LRP1B: variants seen among roughly 807,000 people sequenced by gnomAD.
LRP1B encodes the protein low-density lipoprotein receptor-related protein 1B.
Under a neutral mutation model 556.6 loss-of-function variants are expected in LRP1B, and 217 were observed. The ratio of observed to expected loss-of-function variants is 0.39; its 90% CI spans 0.35 to 0.44. The LOEUF (loss-of-function observed/expected upper bound fraction) is 0.44. LRP1B is among the 20% of genes least tolerant of loss of function. The probability of loss-of-function intolerance (pLI) is 1.00; values close to 1 mark genes in which losing one functional copy is unlikely to be tolerated. For synonymous variants in LRP1B, 2,047 were observed against 1,865.8 expected, an observed-to-expected ratio of 1.10 and a Z score of -2.50; for missense variants, 5,053 against 5,620.8, an observed-to-expected ratio of 0.90 and a Z score of 3.23.
chr2:141,447,607 CT>C (rs1681245582), intron 3 of LRP1B, among the ~76,000 whole-genome samples: 2 of 152,068 alleles, frequency 1.3e-5, no homozygotes, highest in South Asian at 4.1e-4. Flanking sequence ...AGTGGATGTC[CT>C]TTTTGTTGAT....
chr2:140,490,700 T>A (rs1362959525), intron 57 of LRP1B, among the ~76,000 whole-genome samples: 3 of 152,156 alleles, frequency 2.0e-5, no homozygotes, highest in African/African-American at 7.2e-5. Context: ...GATGAAACTG[T>A]GAGTAAAAAT....
intron 1 of LRP1B, among the ~76,000 whole-genome samples, chr2:141,875,569 A>T (rs899174350): frequency 3.3e-5 from 5 of 152,132 alleles, no homozygotes; most frequent in African/African-American, 1.2e-4. Flanking sequence ...CAATATTTTC[A>T]TTACATTAAT....
chr2:140,619,074 TACACACACACACACAC>T (rs113009077), intron 41 of LRP1B, among the ~76,000 whole-genome samples: 32 of 146,582 alleles, frequency 2.2e-4, no homozygotes, highest in African/African-American at 3.5e-4. Context: ...TATATCTATC[TACACACACACACACAC>T]ACACACACAC....
intron 14 of LRP1B, 73 bp downstream of exon 14, chr2:141,013,483 T>C (rs1343081589): frequency 1.6e-6 from 2 of 1,230,476 alleles, no homozygotes; most frequent in East Asian, 2.6e-5. Flanking sequence ...ACTGTCAAGA[T>C]AAATCTTTTA....
At chr2:141,508,151 T>C (rs1403074665) in intron 2 of LRP1B, among the ~76,000 whole-genome samples, 1 of 151,674 alleles carries the variant, frequency 6.6e-6, no homozygotes, top group Non-Finnish European at 1.5e-5. Context: ...TTGGAATGTA[T>C]GATGTCTAAA....
chr2:141,101,226 A>T (rs6760423), intron 7 of LRP1B, among the ~76,000 whole-genome samples: 2 of 151,956 alleles, frequency 1.3e-5, no homozygotes, highest in South Asian at 4.1e-4. Flanking sequence ...AGGACCAGGG[A>T]AGACTCCATG....
chr2:141,479,063 C>A (rs1035869618), intron 3 of LRP1B, among the ~76,000 whole-genome samples: 1 of 152,130 alleles, frequency 6.6e-6, no homozygotes, highest in African/African-American at 2.4e-5. Flanking sequence ...CAGAATTTAT[C>A]CACAGAGTCA....
intron 32 of LRP1B, among the ~76,000 whole-genome samples, chr2:140,792,985 AAAAT>A (rs568297829): frequency 8.1e-4 from 123 of 152,170 alleles, no homozygotes; most frequent in African/African-American, 2.9e-3. Flanking sequence ...TTATTTAAAT[AAAAT>A]ATCTATAAGC....
At chr2:141,792,847 C>T (rs1003932335) in intron 2 of LRP1B, among the ~76,000 whole-genome samples, 1 of 151,598 alleles carries the variant, frequency 6.6e-6, no homozygotes, top group Non-Finnish European at 1.5e-5. Flanking sequence ...ATAAATAGTT[C>T]AAGACAAATA....
In LRP1B at chr2:141,945,047, T is replaced by C. The variant is rs1290520470; in HGVS notation, c.83-134646A>G. Reference sequence around the variant, plus strand: ...AACTGCTTTTCATGTATTCTGTTTTTAGTTATATTTTTGTTGTCCTTTCTC... The same window carrying C: ...AACTGCTTTTCATGTATTCTGTTTTCAGTTATATTTTTGTTGTCCTTTCTC... On this transcript the variant is annotated intron_variant, in intron 1 of 90. Transcript: ENST00000389484. Among the ~76,000 whole-genome samples the C allele has an allele frequency of 2.0e-5, 3 of 152,348 alleles. No homozygotes were observed. The East Asian group carries it at 5.8e-4, about 29-fold the overall frequency.
intron 2 of LRP1B, among the ~76,000 whole-genome samples, chr2:141,537,649 C>T (rs116644364): frequency 9.4e-4 from 143 of 152,092 alleles, no homozygotes; most frequent in African/African-American, 3.3e-3. Flanking sequence ...TGTATTTCAC[C>T]GGCTTTCAGT....
In LRP1B at chr2:141,410,802, G is replaced by C. The variant is rs181804899; in HGVS notation, c.343+69594C>G. ...ATTTTGGCCTCTATTTCTCAAATTAGGTCATCATAGTTTTTAGAAATACTT... is the reference window on the plus strand; with the variant it reads ...ATTTTGGCCTCTATTTCTCAAATTACGTCATCATAGTTTTTAGAAATACTT... On this transcript the variant is annotated intron_variant, in intron 3 of 90. Coordinates refer to ENST00000389484, the MANE Select transcript of LRP1B (RefSeq NM_018557.3). Among the ~76,000 whole-genome samples the C allele has an allele frequency of 1.1e-4, 17 of 151,936 alleles. No homozygotes were observed. In the East Asian group the frequency reaches 3.3e-3, roughly 29 times the overall value.
intron 20 of LRP1B, among the ~76,000 whole-genome samples, chr2:140,927,548 T>C (rs1694922631): frequency 6.6e-6 from 1 of 152,162 alleles, no homozygotes; most frequent in Non-Finnish European, 1.5e-5. Flanking sequence ...TATAAAGTCA[T>C]TAATTTTTAT....
chr2:141,448,855 T>C (rs1162290713), intron 3 of LRP1B, among the ~76,000 whole-genome samples: 1 of 152,192 alleles, frequency 6.6e-6, no homozygotes, highest in Non-Finnish European at 1.5e-5. Flanking sequence ...CATCTTGCCA[T>C]CCACCCAATC....
chr2:141,169,689 C>A (rs1289560638), intron 7 of LRP1B, among the ~76,000 whole-genome samples: 1 of 149,850 alleles, frequency 6.7e-6, no homozygotes, highest in Non-Finnish European at 1.5e-5. Flanking sequence ...CAACTGGAAG[C>A]AACCAGCCCA....
chr2:140,353,543 A>G (rs1361887026), intron 75 of LRP1B, among the ~76,000 whole-genome samples: 3 of 151,920 alleles, frequency 2.0e-5, no homozygotes, highest in Admixed American at 6.6e-5. Flanking sequence ...ATCATGGGCT[A>G]TTCTTTCATC....
chr2:141,886,265 C>T (rs375393843), intron 1 of LRP1B, among the ~76,000 whole-genome samples: 5 of 151,944 alleles, frequency 3.3e-5, no homozygotes, highest in Admixed American at 1.3e-4. Flanking sequence ...TAGTATTTTT[C>T]GCCTTGGGAA....
intron 6 of LRP1B, among the ~76,000 whole-genome samples, chr2:141,221,286 G>T (rs1380194433): frequency 5.9e-5 from 1 of 16,808 alleles, no homozygotes; most frequent in Admixed American, 6.2e-4. Context: ...AGCCAACAAA[G>T]ATAAAAAAAA....
intron 45 of LRP1B, among the ~76,000 whole-genome samples, chr2:140,537,234 T>A (rs575450788): frequency 1.2e-4 from 18 of 147,882 alleles, no homozygotes; most frequent in South Asian, 2.1e-4. Context: ...ATATAATAAT[T>A]ATTATTATTG....
Sources: allele counts gnomAD v4.1 joint callset (sites outside exome capture counted in the v4.1 genomes callset), GRCh38; gene constraint gnomAD v4.1.1; transcripts MANE v1.5; gene names NCBI Gene and HGNC (gene_info 2026-07-23, HGNC 2026-07-21).